NUP155: variants seen among roughly 807,000 people sequenced by gnomAD.
The protein encoded by NUP155 is nucleoporin 155.
NUP155 carries 71 observed loss-of-function variants against 180.4 expected under a neutral mutation model. That is an observed-to-expected ratio of 0.39 (90% confidence interval 0.33 to 0.48). The LOEUF is 0.48. Ranked by LOEUF, NUP155 falls within the 20% of genes least tolerant of loss-of-function variation. NUP155 has a pLI of 0.91. For missense variants in NUP155, 1,553 were observed against 1,648.9 expected (o/e 0.94, Z 1.01); for synonymous variants, 582 against 559.5 (o/e 1.04, Z -0.57).
chr5:37,320,047 T>C (rs1323100116), intron 20 of NUP155, among the ~76,000 whole-genome samples: 3 of 151,942 alleles, frequency 2.0e-5, no homozygotes, highest in Non-Finnish European at 2.9e-5. Context: ...CAGCCAGGTG[T>C]GGCAGCACAT....
At chr5:37,335,225 T>C (rs1298510174) in intron 12 of NUP155, among the ~76,000 whole-genome samples, 2 of 130,762 alleles carry the variant, frequency 1.5e-5, no homozygotes, top group Non-Finnish European at 3.3e-5. Context: ...CTACAAAAAA[T>C]AAAAAACCAC....
chr5:37,296,483 C>G, intron 32 of NUP155, among the ~76,000 whole-genome samples: 1 of 149,424 alleles, frequency 6.7e-6, no homozygotes, highest in Non-Finnish European at 1.5e-5. Flanking sequence ...AGGCAGCATG[C>G]GGCAGCATGC....
At chr5:37,313,117 T>G (rs1339599160) in intron 22 of NUP155, among the ~76,000 whole-genome samples, 1 of 152,136 alleles carries the variant, frequency 6.6e-6, no homozygotes, top group Non-Finnish European at 1.5e-5. Flanking sequence ...TTTCCTACAG[T>G]GATAAATATC....
chr5:37,352,704 T>C, intron 5 of NUP155, 33 bp downstream of exon 5: 2 of 1,444,440 alleles, frequency 1.4e-6, no homozygotes, highest in Non-Finnish European at 1.9e-6. Context: ...AATACTATTA[T>C]TTTAAAAAAC....
chr5:37,315,615 T>G (rs772829189), intron 21 of NUP155, among the ~76,000 whole-genome samples: 1 of 149,794 alleles, frequency 6.7e-6, no homozygotes, highest in Non-Finnish European at 1.5e-5. Context: ...TGTGAAGAAA[T>G]TGGAACCCTT....
At chr5:37,352,331 C>T (rs1746517908) in intron 5 of NUP155, among the ~76,000 whole-genome samples, 2 of 151,882 alleles carry the variant, frequency 1.3e-5, no homozygotes, top group Non-Finnish European at 2.9e-5. Context: ...ACACTCCAGC[C>T]CGGGCGACAG....
intron 25 of NUP155, among the ~76,000 whole-genome samples, chr5:37,306,297 G>A (rs1475511730): frequency 6.6e-6 from 1 of 152,050 alleles, no homozygotes; most frequent in Non-Finnish European, 1.5e-5. Flanking sequence ...CTACTCAGGA[G>A]GCTGAGGTAG....
At position 37,289,431 on chromosome 5, in the gene NUP155, G is replaced by GAACTC. The variant is rs1417320985; in HGVS notation, c.*2464_*2468dup. On this transcript the variant is annotated 3_prime_UTR_variant, in exon 35 of 35. Transcript: ENST00000231498. ...CAGGATCAGCATGACACTACAGATG[G>GAACTC]AACTCAAGAATCTGTCATAACAGGC... The GAACTC allele has an allele frequency of 6.6e-6, 1 of 152,372 alleles. No homozygotes were observed. Among genetic ancestry groups the GAACTC allele is most frequent in the African/African-American group, 2.4e-5 (1 of 41,598 alleles). 9.4% of individuals were successfully genotyped at this position (152,372 alleles called of 1,614,324 possible).
chr5:37,339,867 G>A (rs1018723435), intron 11 of NUP155, among the ~76,000 whole-genome samples: 5 of 152,020 alleles, frequency 3.3e-5, no homozygotes, highest in Non-Finnish European at 7.4e-5. Flanking sequence ...CAGTTCAAGC[G>A]ATTCTCTTGC....
At chr5:37,310,038 T>C (rs1318353342) in intron 23 of NUP155, among the ~76,000 whole-genome samples, 2 of 151,782 alleles carry the variant, frequency 1.3e-5, no homozygotes, top group East Asian at 3.9e-4. Context: ...GAATATTCTT[T>C]ATGAAAAACT....
At chr5:37,361,330 A>G (rs1395640466) in intron 3 of NUP155, among the ~76,000 whole-genome samples, 4 of 151,940 alleles carry the variant, frequency 2.6e-5, no homozygotes, top group African/African-American at 9.7e-5. Flanking sequence ...AGAAATAAAG[A>G]TAACAGCTGA....
intron 9 of NUP155, among the ~76,000 whole-genome samples, chr5:37,344,025 T>C (rs1745915986): frequency 6.6e-6 from 1 of 152,180 alleles, no homozygotes; most frequent in South Asian, 2.1e-4. Context: ...CATTTCACAC[T>C]GCCTATGTAA....
intron 9 of NUP155, among the ~76,000 whole-genome samples, chr5:37,346,811 C>CAAAT (rs1404246825): frequency 2.6e-5 from 4 of 152,178 alleles, no homozygotes; most frequent in Non-Finnish European, 5.9e-5. Context: ...AGATCTCAGG[C>CAAAT]AAATCATCCC....
Position 37,331,680 on chromosome 5 carries a change from AT to A in NUP155, c.1629+4del. 1 of 1,512,030 alleles carries A rather than the reference AT, an allele frequency of 6.6e-7. No homozygotes were observed. The allele number at this position is 1,512,030 out of a possible 1,614,324, so 93.7% of individuals were successfully genotyped here. ...ATCACATTTTTTAAAAGTATATATA[AT>A]TACCTGATGTAATTTAAAGAATCTT... On this transcript the variant is annotated splice_donor_region_variant and intron_variant, in intron 14 of 34. Coordinates refer to ENST00000231498, the MANE Select transcript of NUP155 (RefSeq NM_153485.3).
In NUP155 at chr5:37,303,407, G is replaced by A; in HGVS notation, c.3170C>T (p.Ser1057Phe). The A allele has an allele frequency of 6.2e-7, 1 of 1,613,918 alleles. No homozygotes were observed. The highest frequency in any genetic ancestry group is 1.1e-5 in the South Asian group (1 of 91,074). Residue 1057 changes from serine (S) to phenylalanine (F), a missense_variant, in exon 28 of 35, where the codon TCT (serine) becomes TTT (phenylalanine). Ser to Phe is a radical substitution (Grantham distance 155). Transcript: ENST00000231498. The part of the protein sequence containing the change: ...DLADKLLQVA[S>F]PFLEPHLVRM... Reference sequence around the variant, plus strand: ...GACTAGATGTGGCTCCAGAAATGGAGAAGCAACCTAGAAATTATATAGTTA... The same window carrying A: ...GACTAGATGTGGCTCCAGAAATGGAAAAGCAACCTAGAAATTATATAGTTA...
At chr5:37,363,836 A>G (rs1390261803) in intron 3 of NUP155, 52 bp downstream of exon 3, 2 of 1,180,224 alleles carry the variant, frequency 1.7e-6, no homozygotes, top group Non-Finnish European at 2.5e-6. Context: ...GCTACAGTAA[A>G]GTTTATATAA....
At chr5:37,357,485 A>G (rs1561812277) in intron 4 of NUP155, among the ~76,000 whole-genome samples, 1 of 151,826 alleles carries the variant, frequency 6.6e-6, no homozygotes, top group Non-Finnish European at 1.5e-5. Context: ...TAAATTCAGC[A>G]ATTAATGAAA....
chr5:37,322,233 T>TG (rs1368682841), intron 20 of NUP155, among the ~76,000 whole-genome samples: 1 of 152,178 alleles, frequency 6.6e-6, no homozygotes, highest in Non-Finnish European at 1.5e-5. Context: ...GCAATCCTCC[T>TG]GCCTTGGCTT....
intron 14 of NUP155, among the ~76,000 whole-genome samples, chr5:37,330,379 G>A (rs1744878720): frequency 6.6e-6 from 1 of 152,124 alleles, no homozygotes; most frequent in African/African-American, 2.4e-5. Flanking sequence ...TTAGTTTCCG[G>A]CTTATGTCTC....
Sources: gnomAD v4.1 joint callset for allele counts (sites outside exome capture counted in the v4.1 genomes callset) on GRCh38, gnomAD v4.1.1 for gene constraint, MANE v1.5 for transcripts, NCBI Gene and HGNC (gene_info 2026-07-23, HGNC 2026-07-21) for gene names.